The following APOC4 variants were observed in gnomAD, a reference collection of about 807,000 sequenced individuals.
APOC4 encodes apolipoprotein C4, also known as apolipoprotein C-IV.
Under a neutral mutation model 8.4 loss-of-function variants are expected in APOC4, and 10 were observed. That is an observed-to-expected ratio of 1.19 (90% CI 0.74 to 2.03). The LOEUF (loss-of-function observed/expected upper bound fraction) is 2.03, where lower values mean the gene tolerates loss of function less well. APOC4 is among the 30% of genes most tolerant of loss of function. The pLI, the probability that APOC4 is intolerant of heterozygous loss-of-function variation, is 0.00. For synonymous variants in APOC4, 59 were observed against 65.8 expected, an observed-to-expected ratio of 0.90 and a Z score of 0.50; for missense variants, 160 against 156.1, an observed-to-expected ratio of 1.02 and a Z score of -0.13.
Position 44,944,700 on chromosome 19 carries a change from G to A in APOC4, c.77-49G>A. The A allele has an allele frequency of 1.9e-6, 3 of 1,565,338 alleles. No individual in the cohort carries two copies. The South Asian group carries it at 3.6e-5, about 19-fold the overall frequency. ...ATGAGCATGGAGGGAAAGGGAGAAG[G>A]GGATTCTAGGGTCCCAGCCTACCCA... On this transcript the variant is annotated intron_variant, in intron 1 of 2. Coordinates refer to ENST00000592954, the MANE Select transcript of APOC4 (RefSeq NM_001646.3).
At chr19:44,943,039 A>G (rs1804716243) in intron 1 of APOC4, among the ~76,000 whole-genome samples, 1 of 151,954 alleles carries the variant, frequency 6.6e-6, no homozygotes, top group Non-Finnish European at 1.5e-5. Context: ...CTCCTGCCTC[A>G]GCCTCCCGAG....
chr19:44,944,604 A>G, intron 1 of APOC4, 145 bp from the exon 2 acceptor site: 1 of 895,166 alleles, frequency 1.1e-6, no homozygotes, highest in Middle Eastern at 3.7e-4. Context: ...GTCAGGGGAC[A>G]CATAAGGGTA....
Position 44,945,128 on chromosome 19 carries a change from T to C in APOC4, c.219-12T>C, listed in dbSNP as rs186448850. On this transcript the variant is annotated splice_polypyrimidine_tract_variant and intron_variant, in intron 2 of 2. Coordinates refer to ENST00000592954, the MANE Select transcript of APOC4 (RefSeq NM_001646.3). ...AGCTGGGGCCTCCACTGTGATGTCC[T>C]CTCTCCTGTAGGAGCCCGAGCACCT... 6,514 of 1,612,170 alleles carry C rather than the reference T, an allele frequency of 4.0e-3. 22 individuals carry two copies. The highest frequency in any genetic ancestry group is 4.7e-3 in the Non-Finnish European group (5,543 of 1,179,268).
Position 44,942,323 on chromosome 19 carries a change from C to T in APOC4, c.46C>T (p.Leu16Phe). The change falls in exon 1 of 3, where the codon CTC (leucine) becomes TTC (phenylalanine). Residue 16 changes from leucine (L) to phenylalanine (F), a missense_variant. Transcript: ENST00000592954. ...NRLQALPALCLCVLVLACIGA... is the reference protein window; with the variant it reads ...NRLQALPALCFCVLVLACIGA... The stretch of plus-strand genomic sequence containing the variant: ...GCTCCAGGCCCTGCCTGCCCTGTGC[C>T]TCTGCGTGCTGGTCCTGGCCTGCAT... The T allele has an allele frequency of 6.2e-7, 1 of 1,613,840 alleles. No individual in the cohort carries two copies. Among genetic ancestry groups the T allele is most frequent in the Non-Finnish European group, 8.5e-7 (1 of 1,179,880 alleles).
intron 1 of APOC4, 72 bp from the exon 2 acceptor site, chr19:44,944,677 G>T: frequency 6.6e-7 from 1 of 1,515,050 alleles, no homozygotes; most frequent in South Asian, 1.3e-5. Context: ...GACACAGGAT[G>T]AGCATGGAGG....
intron 1 of APOC4, among the ~76,000 whole-genome samples, chr19:44,943,134 G>GAT (rs1970278301): frequency 1.3e-5 from 2 of 152,004 alleles, no homozygotes; most frequent in Non-Finnish European, 2.9e-5. Context: ...TGTTAGCCAG[G>GAT]ATGGTCTCCA....
chr19:44,942,482 C>A, intron 1 of APOC4, 129 bp downstream of exon 1: 1 of 779,168 alleles, frequency 1.3e-6, no homozygotes, highest in Non-Finnish European at 2.0e-6. Flanking sequence ...CGTGCGTATG[C>A]ATGTGCGTGT....
chr19:44,942,582 G>A (rs551971717), intron 1 of APOC4, among the ~76,000 whole-genome samples: 98 of 151,372 alleles, frequency 6.5e-4, no homozygotes, highest in Middle Eastern at 6.8e-3. Context: ...ACGTGCGTGC[G>A]TGGAAGTGGG....
chr19:44,942,905 C>A (rs1339000132), intron 1 of APOC4, among the ~76,000 whole-genome samples: 3 of 151,824 alleles, frequency 2.0e-5, no homozygotes, highest in African/African-American at 7.3e-5. Flanking sequence ...GGACTACAGA[C>A]ACACGCCACC....
intron 1 of APOC4, among the ~76,000 whole-genome samples, chr19:44,942,990 T>C (rs1293095244): frequency 1.3e-5 from 2 of 152,028 alleles, no homozygotes; most frequent in South Asian, 2.1e-4. Flanking sequence ...GGCGTGATCT[T>C]GGCTCACTGC....
chr19:44,945,027 G>A, intron 2 of APOC4, 113 bp from the exon 3 acceptor site: 2 of 1,527,170 alleles, frequency 1.3e-6, no homozygotes, highest in Non-Finnish European at 1.8e-6. Context: ...GGGAGGAGTG[G>A]AGGGTTAGAG....
rs201150387 is a variant in APOC4, at chr19:44,942,265, G to A, written c.-13G>A. The A allele has an allele frequency of 1.6e-4, 256 of 1,605,380 alleles. No homozygotes were observed. The highest frequency in any genetic ancestry group is 2.3e-4 in the South Asian group (21 of 89,520). On this transcript the variant is annotated 5_prime_UTR_variant, in exon 1 of 3. Transcript: ENST00000592954. ...GTTGAGCACAGAGGGACAGAGGCAC[G>A]GAACCCCCAGAAATGTCCCTCCTCA... is the stretch of plus-strand genomic sequence containing the variant.
At chr19:44,942,752 A>ATT (rs200103557) in intron 1 of APOC4, among the ~76,000 whole-genome samples, 7 of 134,278 alleles carry the variant, frequency 5.2e-5, no homozygotes, top group Admixed American at 7.5e-5. Context: ...TTGCATATGC[A>ATT]TTTTTTTTTT....
In APOC4 at chr19:44,944,952, G is replaced by A. The variant is rs1970300904; in HGVS notation, c.218+62G>A. 38 of 1,552,702 alleles carry A rather than the reference G, an allele frequency of 2.4e-5. 1 individual carries two copies. The South Asian group carries it at 4.3e-4, about 18-fold the overall frequency. Reference sequence around the variant, plus strand: ...CCTGGGTCTGAGGGAGGAGGGGCTGGGGCCTGGACCCCTGAGTCTCAGGGA... The same window carrying A: ...CCTGGGTCTGAGGGAGGAGGGGCTGAGGCCTGGACCCCTGAGTCTCAGGGA... On this transcript the variant is annotated intron_variant, in intron 2 of 2. Transcript: ENST00000592954.
chr19:44,943,165 C>T (rs765879282), intron 1 of APOC4, among the ~76,000 whole-genome samples: 13 of 152,060 alleles, frequency 8.5e-5, no homozygotes, highest in Non-Finnish European at 2.9e-5. Flanking sequence ...TCGTGATCCG[C>T]CTGCCTCGGC....
chr19:44,944,643 G>A, intron 1 of APOC4, 106 bp from the exon 2 acceptor site: 1 of 1,409,044 alleles, frequency 7.1e-7, no homozygotes, highest in Non-Finnish European at 9.4e-7. Context: ...ACTGGCAGGG[G>A]GCTGCCCCTG....
At chr19:44,943,071 A>G (rs922803564) in intron 1 of APOC4, among the ~76,000 whole-genome samples, 6 of 151,790 alleles carry the variant, frequency 4.0e-5, no homozygotes, top group East Asian at 3.9e-4. Context: ...ACAGGAGCCC[A>G]CCACCACGCC....
intron 1 of APOC4, among the ~76,000 whole-genome samples, chr19:44,944,102 A>T (rs1487317071): frequency 6.6e-6 from 1 of 152,078 alleles, no homozygotes; most frequent in Non-Finnish European, 1.5e-5. Context: ...GTCACAGGAG[A>T]ACGAAGGGAG....
intron 1 of APOC4, among the ~76,000 whole-genome samples, chr19:44,944,228 T>C (rs1029553820): frequency 1.3e-5 from 2 of 152,078 alleles, no homozygotes; most frequent in South Asian, 4.1e-4. Flanking sequence ...GAGGGACTAC[T>C]GACACAAGGT....
Sources: allele counts gnomAD v4.1 joint callset (sites outside exome capture counted in the v4.1 genomes callset), GRCh38; gene constraint gnomAD v4.1.1; transcripts MANE v1.5; gene names NCBI Gene and HGNC (gene_info 2026-07-23, HGNC 2026-07-21).